TRAT1: variants seen among roughly 807,000 people sequenced by gnomAD.
TRAT1 encodes T-cell receptor-associated transmembrane adapter 1.
Under a neutral mutation model 20.0 loss-of-function variants are expected in TRAT1, and 20 were observed. The ratio of observed to expected loss-of-function variants is 1.00; its 90% confidence interval spans 0.70 to 1.45. The LOEUF (loss-of-function observed/expected upper bound fraction) is 1.45. Among genes scored for constraint, TRAT1 ranks in the 40% most tolerant of loss-of-function variants. The probability of loss-of-function intolerance (pLI) is 0.00; values close to 1 mark genes in which losing one functional copy is unlikely to be tolerated. For synonymous variants in TRAT1, 77 were observed against 74.2 expected (o/e 1.04, Z -0.20); for missense variants, 237 against 224.1 (o/e 1.06, Z -0.37).
At chr3:108,850,893 C>G (rs2107516515) in intron 5 of TRAT1, among the ~76,000 whole-genome samples, 1 of 152,278 alleles carries the variant, frequency 6.6e-6, no homozygotes, top group African/African-American at 2.4e-5. Context: ...TACAGGGTAG[C>G]TTTATTTGAC....
chr3:108,842,978 A>G (rs1446087173), intron 3 of TRAT1, among the ~76,000 whole-genome samples: 1 of 152,174 alleles, frequency 6.6e-6, no homozygotes, highest in Non-Finnish European at 1.5e-5. Context: ...AGTCACACAA[A>G]ATAGTGCTAG....
chr3:108,849,299 T>C (rs370966635), intron 5 of TRAT1, 45 bp downstream of exon 5: 31 of 1,497,140 alleles, frequency 2.1e-5, no homozygotes, highest in Non-Finnish European at 2.8e-5. Flanking sequence ...TTCAAGAGCA[T>C]AAGAGTAGTA....
rs1946021766 is a variant in TRAT1 at position 108,853,844 on chromosome 3, A to C, written c.528A>C (p.Gly176=). Residue 176 remains glycine, a synonymous_variant, in exon 6 of 6, where the codon GGA becomes GGC. Coordinates refer to ENST00000295756, the MANE Select transcript of TRAT1 (RefSeq NM_016388.4). ...NIHDDPIRLF[G]LIRAKREPIN ...ATGATGATCCCATCAGACTGTTTGGATTGATCCGTGCTAAGAGAGAACCTA... is the reference window on the plus strand; with the variant it reads ...ATGATGATCCCATCAGACTGTTTGGCTTGATCCGTGCTAAGAGAGAACCTA... The C allele has an allele frequency of 1.2e-6, 2 of 1,614,112 alleles. No individual in the cohort carries two copies. The highest frequency in any genetic ancestry group is 1.7e-6 in the Non-Finnish European group (2 of 1,179,950).
intron 5 of TRAT1, among the ~76,000 whole-genome samples, chr3:108,850,263 T>C (rs1945986281): frequency 6.6e-6 from 1 of 152,094 alleles, no homozygotes; most frequent in Admixed American, 6.6e-5. Flanking sequence ...AGAATTTTAC[T>C]CTTTTTCTTT....
At chr3:108,834,980 A>G (rs918611890) in intron 2 of TRAT1, among the ~76,000 whole-genome samples, 1 of 152,166 alleles carries the variant, frequency 6.6e-6, no homozygotes, top group African/African-American at 2.4e-5. Flanking sequence ...ATAGGAGTGC[A>G]TTCACTTTTT....
At chr3:108,823,033 T>C (rs1945706532) in intron 1 of TRAT1, 99 bp downstream of exon 1, 1 of 1,050,382 alleles carries the variant, frequency 9.5e-7, no homozygotes, top group Admixed American at 2.1e-5. Context: ...AGAAAGTAGT[T>C]ATTTTAAAAA....
intron 5 of TRAT1, among the ~76,000 whole-genome samples, chr3:108,852,605 G>A (rs962342350): frequency 2.6e-5 from 4 of 152,174 alleles, no homozygotes; most frequent in African/African-American, 9.7e-5. Flanking sequence ...TAGTCTTAAA[G>A]AGTAATGCTT....
chr3:108,839,250 C>A, intron 3 of TRAT1: 2 of 402,782 alleles, frequency 5.0e-6, no homozygotes, highest in South Asian at 3.5e-5. Flanking sequence ...AGGTAGATAG[C>A]CTAGATTATG....
At chr3:108,844,483 A>G (rs965069194) in intron 3 of TRAT1, among the ~76,000 whole-genome samples, 1 of 145,040 alleles carries the variant, frequency 6.9e-6, no homozygotes, top group Admixed American at 6.7e-5. Flanking sequence ...CTACTTGAGG[A>G]ATTTTTTAAA....
intron 4 of TRAT1, 37 bp downstream of exon 4, chr3:108,847,166 AT>A (rs765113138): frequency 7.8e-7 from 1 of 1,283,046 alleles, no homozygotes; most frequent in South Asian, 1.3e-5. Context: ...AAATAAGTAA[AT>A]CCCAGTTGGT....
At chr3:108,824,246 G>T (rs950764918) in intron 1 of TRAT1, among the ~76,000 whole-genome samples, 6 of 152,114 alleles carry the variant, frequency 3.9e-5, no homozygotes, top group African/African-American at 1.4e-4. Context: ...TGTAGTAAGG[G>T]TTATTTTTTC....
At chr3:108,830,222 G>T (rs543767131) in intron 1 of TRAT1, among the ~76,000 whole-genome samples, 1 of 152,146 alleles carries the variant, frequency 6.6e-6, no homozygotes, top group Non-Finnish European at 1.5e-5. Flanking sequence ...CCAACACATC[G>T]TATTCTATAC....
chr3:108,843,770 C>T (rs1391901388), intron 3 of TRAT1, among the ~76,000 whole-genome samples: 2 of 152,198 alleles, frequency 1.3e-5, no homozygotes, highest in South Asian at 2.1e-4. Flanking sequence ...GATCAAATCT[C>T]GGTTTCAGCT....
At chr3:108,844,606 A>G (rs1945923292) in intron 3 of TRAT1, among the ~76,000 whole-genome samples, 2 of 151,772 alleles carry the variant, frequency 1.3e-5, no homozygotes. Context: ...GCACTTTGGG[A>G]GGCCGAGGCG....
chr3:108,833,205 G>A (rs1945810040), intron 2 of TRAT1, among the ~76,000 whole-genome samples: 1 of 152,120 alleles, frequency 6.6e-6, no homozygotes, highest in Non-Finnish European at 1.5e-5. Flanking sequence ...ATTGCCTGAG[G>A]TCAGGAGTTC....
In TRAT1 at chr3:108,842,270, T is replaced by G. The variant is rs114814294; in HGVS notation, c.152+3303T>G. ...AAACATTAATTCAGCTCAGCTACTC[T>G]TCTACTTTCCGGTGATTTCTTGAAT... On this transcript the variant is annotated intron_variant, in intron 3 of 5. Coordinates refer to ENST00000295756, the MANE Select transcript of TRAT1 (RefSeq NM_016388.4). Among the ~76,000 whole-genome samples, 790 of 152,304 alleles carry G rather than the reference T, an allele frequency of 5.2e-3. 8 individuals carry two copies. The highest frequency in any genetic ancestry group is 0.018 in the African/African-American group (756 of 41,584).
chr3:108,824,062 G>A (rs1420053942), intron 1 of TRAT1, among the ~76,000 whole-genome samples: 1 of 152,102 alleles, frequency 6.6e-6, no homozygotes, highest in Non-Finnish European at 1.5e-5. Flanking sequence ...AATAGAGACA[G>A]GGTTTCATTA....
At chr3:108,840,752 C>T (rs549775662) in intron 3 of TRAT1, among the ~76,000 whole-genome samples, 1 of 152,292 alleles carries the variant, frequency 6.6e-6, no homozygotes, top group African/African-American at 2.4e-5. Context: ...TACTACTTTC[C>T]TGAGTCTGGT....
chr3:108,827,461 C>G (rs999021270), intron 1 of TRAT1, among the ~76,000 whole-genome samples: 2 of 150,904 alleles, frequency 1.3e-5, no homozygotes, highest in African/African-American at 4.9e-5. Context: ...AAATTTCCAT[C>G]ATTATCTACT....
Sources: allele counts gnomAD v4.1 joint callset (sites outside exome capture counted in the v4.1 genomes callset), GRCh38; gene constraint gnomAD v4.1.1; transcripts MANE v1.5; gene names NCBI Gene and HGNC (gene_info 2026-07-23, HGNC 2026-07-21).